Variants in CHSY3 observed in about 807,000 individuals in gnomAD.
CHSY3 encodes chondroitin sulfate synthase 3.
A neutral mutation model predicts 67.2 loss-of-function variants in CHSY3; 35 were observed. The ratio of observed to expected loss-of-function variants is 0.52; its 90% CI spans 0.40 to 0.69. The LOEUF (loss-of-function observed/expected upper bound fraction) is 0.69. Among genes scored for constraint, CHSY3 ranks in the 30% least tolerant of loss-of-function variants. The pLI, the probability that CHSY3 is intolerant of heterozygous loss-of-function variation, is 0.00. For missense variants in CHSY3, 1,069 were observed against 1,138.5 expected (o/e 0.94, Z 0.88); for synonymous variants, 474 against 434.7 (o/e 1.09, Z -1.12).
At chr5:130,108,607 A>G (rs1014998554) in intron 2 of CHSY3, among the ~76,000 whole-genome samples, 2 of 151,702 alleles carry the variant, frequency 1.3e-5, no homozygotes, top group Non-Finnish European at 3.0e-5. Flanking sequence ...GCACAATCCC[A>G]TATATGCGGT....
In CHSY3 at chr5:129,904,964, C is replaced by T. The variant is rs1339777755; in HGVS notation, c.135C>T (p.Cys45=). 3 of 1,565,050 alleles carry T rather than the reference C, an allele frequency of 1.9e-6. No homozygotes were observed. Among genetic ancestry groups the T allele is most frequent in the East Asian group, 2.3e-5 (1 of 42,634 alleles). ...SERKRRGSSL[C]SYYGRSAAGP... ...GGAAGAGACGTGGCTCCAGCCTCTG[C>T]TCCTACTACGGTCGCTCTGCTGCTG... Residue 45 remains cysteine (C), a synonymous_variant, in exon 1 of 3, where the codon TGC becomes TGT. Coordinates refer to ENST00000305031, the MANE Select transcript of CHSY3 (RefSeq NM_175856.5).
At chr5:129,927,413 A>G (rs996772018) in intron 2 of CHSY3, among the ~76,000 whole-genome samples, 3 of 152,054 alleles carry the variant, frequency 2.0e-5, no homozygotes, top group Non-Finnish European at 4.4e-5. Context: ...GTGTTTGTAG[A>G]TTAAAAAATC....
In CHSY3 at chr5:130,029,606, T is replaced by G. The variant is rs537545411; in HGVS notation, c.1086+121246T>G. Among the ~76,000 whole-genome samples the G allele has an allele frequency of 2.6e-5, 4 of 152,278 alleles. No individual in the cohort carries two copies. The East Asian group carries it at 7.7e-4, about 29-fold the overall frequency. On this transcript the variant is annotated intron_variant, in intron 2 of 2. Coordinates refer to ENST00000305031, the MANE Select transcript of CHSY3 (RefSeq NM_175856.5). ...TATAATATTAATTTTGTAATTAACA[T>G]GCAATATATTATACACACATTTGAG... is the stretch of plus-strand genomic sequence containing the variant.
At chr5:130,110,529 G>T (rs1767559232) in intron 2 of CHSY3, among the ~76,000 whole-genome samples, 1 of 151,856 alleles carries the variant, frequency 6.6e-6, no homozygotes, top group Non-Finnish European at 1.5e-5. Flanking sequence ...CTTTCATTCT[G>T]CCCAGAGGGT....
chr5:130,133,065 T>G (rs1448459959), intron 2 of CHSY3, among the ~76,000 whole-genome samples: 5 of 152,212 alleles, frequency 3.3e-5, no homozygotes, highest in Non-Finnish European at 5.9e-5. Context: ...CATGCCTCGT[T>G]GGAAATCTGT....
chr5:130,077,898 T>C (rs1422253730), intron 2 of CHSY3, among the ~76,000 whole-genome samples: 1 of 152,032 alleles, frequency 6.6e-6, no homozygotes, highest in East Asian at 1.9e-4. Flanking sequence ...ATATAACAAA[T>C]AGAAATCTCC....
At chr5:130,008,476 A>G (rs1763949131) in intron 2 of CHSY3, among the ~76,000 whole-genome samples, 1 of 152,212 alleles carries the variant, frequency 6.6e-6, no homozygotes, top group African/African-American at 2.4e-5. Flanking sequence ...AGCTTCATCC[A>G]AAGGACAGCA....
At position 130,186,464 on chromosome 5, in the gene CHSY3, G is replaced by A. The variant is rs532639409; in HGVS notation, c.*673G>A. ...CCTCACAACTGTCTGCTATAAATGCGAATGAACTTTATTTTCTCAAGGAAA... is the reference window on the plus strand; with the variant it reads ...CCTCACAACTGTCTGCTATAAATGCAAATGAACTTTATTTTCTCAAGGAAA... On this transcript the variant is annotated 3_prime_UTR_variant, in exon 3 of 3. Transcript: ENST00000305031. 1 of 152,748 alleles carries A rather than the reference G, an allele frequency of 6.5e-6. No homozygotes were observed. The highest frequency in any genetic ancestry group is 2.1e-4 in the South Asian group (1 of 4,812). 9.5% of individuals were successfully genotyped at this position (152,748 alleles called of 1,614,324 possible). A position where few individuals can be genotyped will look rare whatever the true frequency, so the allele number is the denominator to read the frequency against.
intron 2 of CHSY3, among the ~76,000 whole-genome samples, chr5:130,153,138 C>T (rs937152403): frequency 6.6e-6 from 1 of 151,996 alleles, no homozygotes; most frequent in Non-Finnish European, 1.5e-5. Context: ...GGCTGAGACA[C>T]GAGAATTGCT....
chr5:130,152,666 T>C (rs1001186027), intron 2 of CHSY3, among the ~76,000 whole-genome samples: 2 of 152,184 alleles, frequency 1.3e-5, no homozygotes, highest in East Asian at 1.9e-4. Flanking sequence ...TAGACACAAG[T>C]TTCCTTTGAA....
At chr5:130,086,500 G>A (rs975063497) in intron 2 of CHSY3, among the ~76,000 whole-genome samples, 2 of 151,952 alleles carry the variant, frequency 1.3e-5, no homozygotes, top group East Asian at 3.9e-4. Flanking sequence ...GAGCCTATGT[G>A]TGTCTCTGCA....
intron 2 of CHSY3, among the ~76,000 whole-genome samples, chr5:129,925,611 G>C (rs968029546): frequency 7.2e-5 from 11 of 151,954 alleles, no homozygotes; most frequent in African/African-American, 2.7e-4. Flanking sequence ...TTGTTTTCAA[G>C]TATACAGTAT....
intron 2 of CHSY3, among the ~76,000 whole-genome samples, chr5:129,979,207 A>C (rs1762903782): frequency 6.8e-6 from 1 of 146,548 alleles, no homozygotes; most frequent in South Asian, 2.1e-4. Flanking sequence ...CTCAAAAAAA[A>C]AAAAAAAAAA....
chr5:130,003,260 T>C (rs1763783835), intron 2 of CHSY3, among the ~76,000 whole-genome samples: 1 of 152,196 alleles, frequency 6.6e-6, no homozygotes, highest in African/African-American at 2.4e-5. Context: ...CAATGCCATG[T>C]TGTAATGGAA....
intron 2 of CHSY3, among the ~76,000 whole-genome samples, chr5:130,093,662 C>T (rs1407190111): frequency 6.6e-6 from 1 of 152,116 alleles, no homozygotes; most frequent in African/African-American, 2.4e-5. Flanking sequence ...TGCACAGAAT[C>T]ACACACAACT....
chr5:129,909,183 C>A (rs1385773322), intron 2 of CHSY3, among the ~76,000 whole-genome samples: 2 of 151,578 alleles, frequency 1.3e-5, no homozygotes. Flanking sequence ...AAATAGATTT[C>A]CTAAAAGATA....
intron 2 of CHSY3, among the ~76,000 whole-genome samples, chr5:129,955,600 A>T (rs960015993): frequency 7.2e-5 from 11 of 151,850 alleles, no homozygotes; most frequent in African/African-American, 2.7e-4. Context: ...TAGGTTTGTT[A>T]CATAAGTAAA....
chr5:130,105,990 G>T (rs76119379), intron 2 of CHSY3, among the ~76,000 whole-genome samples: 2 of 151,266 alleles, frequency 1.3e-5, no homozygotes, highest in African/African-American at 4.8e-5. Flanking sequence ...TGATAAACAG[G>T]GTTTTGGTTT....
intron 2 of CHSY3, among the ~76,000 whole-genome samples, chr5:130,074,398 A>T (rs763807181): frequency 1.3e-5 from 2 of 152,136 alleles, no homozygotes; most frequent in Non-Finnish European, 2.9e-5. Context: ...AGTGTACCAC[A>T]CTAGAAGATA....
Sources: gnomAD v4.1 joint callset for allele counts (sites outside exome capture counted in the v4.1 genomes callset) on GRCh38, gnomAD v4.1.1 for gene constraint, MANE v1.5 for transcripts, NCBI Gene and HGNC (gene_info 2026-07-23, HGNC 2026-07-21) for gene names.